DNAH11: variants seen among roughly 807,000 people sequenced by gnomAD.
The protein encoded by DNAH11 is dynein axonemal heavy chain 11.
In DNAH11, 442 loss-of-function variants were observed where a neutral mutation model predicts 526.0. That is an observed-to-expected ratio of 0.84 (90% CI 0.78 to 0.91). The LOEUF (loss-of-function observed/expected upper bound fraction) is 0.91. Ranked by LOEUF, DNAH11 falls within the 40% of genes least tolerant of loss-of-function variation. DNAH11 has a pLI of 0.00. For missense variants in DNAH11, 6,989 were observed against 5,448.7 expected (o/e 1.28, Z -8.90); for synonymous variants, 2,461 against 1,935.9 (o/e 1.27, Z -7.12).
chr7:21,651,083 C>T (rs1443233592), intron 28 of DNAH11, among the ~76,000 whole-genome samples: 1 of 151,948 alleles, frequency 6.6e-6, no homozygotes, highest in Non-Finnish European at 1.5e-5. Flanking sequence ...ACCAGGGCTG[C>T]CCATATTTTG....
intron 75 of DNAH11, 72 bp from the exon 76 acceptor site, chr7:21,884,219 C>T (rs186925843): frequency 2.0e-5 from 28 of 1,416,356 alleles, no homozygotes; most frequent in African/African-American, 7.2e-5. Context: ...TAGAGGGGCA[C>T]GTGCTACTGG....
chr7:21,694,726 T>C, intron 35 of DNAH11, among the ~76,000 whole-genome samples: 1 of 152,218 alleles, frequency 6.6e-6, no homozygotes, highest in Non-Finnish European at 1.5e-5. Context: ...GTAATGGGAT[T>C]GCTGGGTCAA....
At chr7:21,868,832 A>C in intron 72 of DNAH11, 32 bp from the exon 73 acceptor site, 1 of 1,613,546 alleles carries the variant, frequency 6.2e-7, no homozygotes, top group Non-Finnish European at 8.5e-7. Flanking sequence ...CTTCATAGAC[A>C]TTTCCTCTCA....
chr7:21,780,735 C>T (rs1787905835), intron 57 of DNAH11, among the ~76,000 whole-genome samples: 1 of 152,106 alleles, frequency 6.6e-6, no homozygotes, highest in South Asian at 2.1e-4. Flanking sequence ...TTAATCCATA[C>T]CAAGACATAA....
chr7:21,821,980 CTT>C (rs1220550117), intron 65 of DNAH11, among the ~76,000 whole-genome samples: 1 of 151,810 alleles, frequency 6.6e-6, no homozygotes, highest in Non-Finnish European at 1.5e-5. Flanking sequence ...CTGTGCCTGA[CTT>C]ATTTCATTTA....
chr7:21,880,470 A>T (rs1783875642), intron 74 of DNAH11, among the ~76,000 whole-genome samples: 1 of 152,208 alleles, frequency 6.6e-6, no homozygotes, highest in Non-Finnish European at 1.5e-5. Flanking sequence ...GTGAACTTAG[A>T]AGCATTCAGA....
At chr7:21,696,160 A>G (rs1017666404) in intron 35 of DNAH11, among the ~76,000 whole-genome samples, 7 of 152,164 alleles carry the variant, frequency 4.6e-5, no homozygotes, top group African/African-American at 1.7e-4. Flanking sequence ...TCCACTTCAC[A>G]TATAATCTAA....
chr7:21,866,484 G>T lies in DNAH11; in HGVS notation c.11511G>T (p.Met3837Ile), dbSNP rs1444240238. ...TCATATTACAGGCAATTGCCGTCAT[G>T]GAAGAATTTCGAGGCATAGACCGAG... Reference protein sequence around the residue: ...SWSAIKAIAVMEEFRGIDRDV... With the variant: ...SWSAIKAIAVIEEFRGIDRDV... The change falls in exon 71 of 82, where the codon ATG becomes ATT. Residue 3837 changes from methionine to isoleucine, a missense_variant. Physicochemically the swap from Met to Ile is conservative, Grantham distance 10 (BLOSUM62 1). Transcript: ENST00000409508. 5 of 1,610,902 alleles carry T rather than the reference G, an allele frequency of 3.1e-6. No individual in the cohort carries two copies. Among genetic ancestry groups the T allele is most frequent in the Non-Finnish European group, 4.2e-6 (5 of 1,178,974 alleles).
chr7:21,867,439 G>A (rs1583790801), intron 71 of DNAH11, among the ~76,000 whole-genome samples: 1 of 152,306 alleles, frequency 6.6e-6, no homozygotes. Context: ...GCTTAATTGA[G>A]CCTCCCTGTG....
At chr7:21,863,000 C>T (rs1488039799) in intron 69 of DNAH11, among the ~76,000 whole-genome samples, 4 of 144,460 alleles carry the variant, frequency 2.8e-5, no homozygotes, top group East Asian at 2.0e-4. Flanking sequence ...GGAGGCAGAG[C>T]TTGCAGTGAG....
chr7:21,882,570 C>T (rs1056099465), intron 75 of DNAH11, among the ~76,000 whole-genome samples: 1 of 152,088 alleles, frequency 6.6e-6, no homozygotes. Context: ...CCAAGTCGGG[C>T]GGATCGCTTG....
At chr7:21,811,505 G>A (rs1789521623) in intron 63 of DNAH11, among the ~76,000 whole-genome samples, 2 of 152,032 alleles carry the variant, frequency 1.3e-5, no homozygotes, top group Admixed American at 6.6e-5. Flanking sequence ...ACTTTACGAG[G>A]GACCTAGAGC....
At chr7:21,863,776 G>A (rs375792331) in intron 69 of DNAH11, among the ~76,000 whole-genome samples, 9 of 152,110 alleles carry the variant, frequency 5.9e-5, no homozygotes, top group East Asian at 5.8e-4. Context: ...GGATAATTAC[G>A]TTTGTTGAAA....
chr7:21,612,238 A>T (rs1785551377), intron 20 of DNAH11, among the ~76,000 whole-genome samples: 1 of 152,114 alleles, frequency 6.6e-6, no homozygotes, highest in South Asian at 2.1e-4. Flanking sequence ...ACCAGTAGTT[A>T]AAAAACAAAA....
At chr7:21,895,983 C>T (rs1784501912) in intron 79 of DNAH11, among the ~76,000 whole-genome samples, 1 of 152,196 alleles carries the variant, frequency 6.6e-6, no homozygotes, top group Non-Finnish European at 1.5e-5. Context: ...CCCGCCTCAG[C>T]CTCCCAAAGT....
rs1782136794 is a variant in DNAH11 at position 21,659,041 on chromosome 7, A to G, written c.5328+10A>G. 6.4e-7 allele frequency: 1 copy of G among 1,555,576 alleles called. No homozygotes were observed. The highest frequency in any genetic ancestry group is 8.7e-7 in the Non-Finnish European group (1 of 1,150,428). On this transcript the variant is annotated intron_variant, in intron 30 of 81. Coordinates refer to ENST00000409508, the MANE Select transcript of DNAH11 (RefSeq NM_001277115.2). The stretch of plus-strand genomic sequence containing the variant: ...TTTCCATAAAAAACAGGTATTACAT[A>G]GATTTGTGATTTTGAGACATAAAGG...
At chr7:21,682,657 C>G (rs1315381655) in intron 31 of DNAH11, among the ~76,000 whole-genome samples, 1 of 151,660 alleles carries the variant, frequency 6.6e-6, no homozygotes, top group Admixed American at 6.6e-5. Context: ...GTATGCTTGT[C>G]TACTGGGTTA....
chr7:21,666,374 ACTC>A (rs1397729588), intron 30 of DNAH11, among the ~76,000 whole-genome samples: 1 of 151,922 alleles, frequency 6.6e-6, no homozygotes, highest in Non-Finnish European at 1.5e-5. Flanking sequence ...AAGTTTCTCC[ACTC>A]CTCTTTTATT....
chr7:21,799,304 C>T (rs1391188120), intron 61 of DNAH11, among the ~76,000 whole-genome samples: 1 of 152,046 alleles, frequency 6.6e-6, no homozygotes, highest in Non-Finnish European at 1.5e-5. Flanking sequence ...CTTAATAACC[C>T]AGAATAGACC....
Sources: allele counts gnomAD v4.1 joint callset (sites outside exome capture counted in the v4.1 genomes callset), GRCh38; gene constraint gnomAD v4.1.1; transcripts MANE v1.5; gene names NCBI Gene and HGNC (gene_info 2026-07-23, HGNC 2026-07-21).